Variants in ADGRB3 observed in about 807,000 individuals in gnomAD.
ADGRB3 encodes brain-specific angiogenesis inhibitor 3.
In ADGRB3, 37 loss-of-function variants were observed where a neutral mutation model predicts 193.4. The observed-to-expected ratio is 0.19, with a 90% CI of 0.15 to 0.25. The LOEUF is 0.25. Ranked by LOEUF, ADGRB3 falls within the 10% of genes least tolerant of loss-of-function variation. ADGRB3 has a pLI of 1.00. For missense variants in ADGRB3, 1,637 were observed against 1,852.9 expected (o/e 0.88, Z 2.14); for synonymous variants, 690 against 644.2 (o/e 1.07, Z -1.08).
At chr6:68,788,011 C>A (rs1254498100) in intron 3 of ADGRB3, among the ~76,000 whole-genome samples, 1 of 152,112 alleles carries the variant, frequency 6.6e-6, no homozygotes, top group Non-Finnish European at 1.5e-5. Context: ...TCCCCTTTAT[C>A]ATTTTTTATT....
chr6:69,316,807 T>C (rs1380328414), intron 20 of ADGRB3, among the ~76,000 whole-genome samples: 1 of 151,370 alleles, frequency 6.6e-6, no homozygotes, highest in Non-Finnish European at 1.5e-5. Context: ...TTGACCACAA[T>C]TGGAGAAAAG....
At chr6:68,960,728 T>C (rs1243133200) in intron 8 of ADGRB3, among the ~76,000 whole-genome samples, 2 of 152,176 alleles carry the variant, frequency 1.3e-5, no homozygotes, top group Non-Finnish European at 2.9e-5. Flanking sequence ...AAAGCAGTGC[T>C]TCCCAAACTT....
At chr6:69,181,856 A>G (rs768400771) in intron 17 of ADGRB3, among the ~76,000 whole-genome samples, 4 of 152,064 alleles carry the variant, frequency 2.6e-5, no homozygotes, top group Non-Finnish European at 5.9e-5. Context: ...AGTCAACTAG[A>G]TTTTTTATAA....
chr6:69,019,778 C>G (rs1443432703), intron 13 of ADGRB3, among the ~76,000 whole-genome samples: 2 of 151,822 alleles, frequency 1.3e-5, no homozygotes, highest in African/African-American at 4.8e-5. Flanking sequence ...TGTGCCAGTT[C>G]AGTAATGGAG....
chr6:68,775,744 C>T (rs1299888667), intron 3 of ADGRB3, among the ~76,000 whole-genome samples: 1 of 152,224 alleles, frequency 6.6e-6, no homozygotes, highest in East Asian at 1.9e-4. Flanking sequence ...CTTCAGTCAA[C>T]ACAAATTATG....
chr6:68,762,583 T>G (rs1253636942), intron 3 of ADGRB3, among the ~76,000 whole-genome samples: 1 of 151,258 alleles, frequency 6.6e-6, no homozygotes, highest in Non-Finnish European at 1.5e-5. Flanking sequence ...ATTAATTATT[T>G]GAAAAGGTAA....
chr6:68,982,249 T>C (rs777826117), intron 10 of ADGRB3, among the ~76,000 whole-genome samples: 1 of 152,172 alleles, frequency 6.6e-6, no homozygotes, highest in Non-Finnish European at 1.5e-5. Flanking sequence ...TAATATTTTA[T>C]TGAATGTCAG....
At chr6:68,870,702 G>A (rs538909937) in intron 3 of ADGRB3, among the ~76,000 whole-genome samples, 1 of 152,312 alleles carries the variant, frequency 6.6e-6, no homozygotes, top group Non-Finnish European at 1.5e-5. Context: ...TGCCCACTCT[G>A]TGATTCAGAG....
chr6:68,751,059 C>A (rs1386892508), intron 3 of ADGRB3, among the ~76,000 whole-genome samples: 7 of 152,188 alleles, frequency 4.6e-5, no homozygotes, highest in African/African-American at 1.7e-4. Context: ...TCCACTTGTA[C>A]TGCTGCTTCT....
intron 4 of ADGRB3, among the ~76,000 whole-genome samples, chr6:68,933,574 T>C (rs1442328422): frequency 2.0e-5 from 3 of 152,302 alleles, no homozygotes; most frequent in Non-Finnish European, 2.9e-5. Context: ...GCCTGGACTA[T>C]AGAGTGAGAC....
chr6:69,059,079 T>C (rs949464823), intron 15 of ADGRB3, among the ~76,000 whole-genome samples: 1 of 152,136 alleles, frequency 6.6e-6, no homozygotes, highest in Non-Finnish European at 1.5e-5. Context: ...CATTATATTG[T>C]TACTATTTAT....
chr6:69,293,173 T>C lies in ADGRB3; in HGVS notation c.2815-31699T>C, dbSNP rs540091507. On this transcript the variant is annotated intron_variant, in intron 20 of 31. Transcript: ENST00000370598. The stretch of plus-strand genomic sequence containing the variant: ...TCATGTTTAAAAGTTATAAATCAAA[T>C]ACAAATTGTTAAAAGTATTTTCGAT... 1.1e-3 allele frequency among the ~76,000 whole-genome samples: 175 copies of C among 152,292 alleles called. 1 individual carries two copies. Among genetic ancestry groups the C allele is most frequent in the African/African-American group, 4.0e-3 (167 of 41,568 alleles).
At chr6:69,016,084 A>G (rs978280344) in intron 12 of ADGRB3, among the ~76,000 whole-genome samples, 1 of 151,922 alleles carries the variant, frequency 6.6e-6, no homozygotes, top group Admixed American at 6.6e-5. Flanking sequence ...ACACCCATTC[A>G]TTTACCTATA....
chr6:68,716,474 C>T (rs1765491669), intron 3 of ADGRB3, among the ~76,000 whole-genome samples: 1 of 150,436 alleles, frequency 6.6e-6, no homozygotes, highest in Non-Finnish European at 1.5e-5. Flanking sequence ...ACTGTATTTT[C>T]CATATTTATT....
chr6:68,832,435 G>A (rs1224672724), intron 3 of ADGRB3, among the ~76,000 whole-genome samples: 1 of 152,014 alleles, frequency 6.6e-6, no homozygotes, highest in African/African-American at 2.4e-5. Context: ...TAGTAAGAGG[G>A]TTCATGCTCA....
intron 3 of ADGRB3, among the ~76,000 whole-genome samples, chr6:68,686,218 G>A (rs1254902800): frequency 6.5e-5 from 9 of 138,914 alleles, no homozygotes. Context: ...AGTCTCTGGT[G>A]AAGCTTTCCT....
intron 17 of ADGRB3, among the ~76,000 whole-genome samples, chr6:69,126,040 G>A (rs566367348): frequency 2.0e-5 from 3 of 152,014 alleles, no homozygotes; most frequent in Admixed American, 6.6e-5. Context: ...TGTGCTTTTC[G>A]CCCTAGATAC....
intron 10 of ADGRB3, among the ~76,000 whole-genome samples, chr6:68,985,785 G>T (rs1769053213): frequency 6.6e-6 from 1 of 152,078 alleles, no homozygotes; most frequent in Non-Finnish European, 1.5e-5. Context: ...ATTCTGACTG[G>T]TGTACAATCC....
intron 3 of ADGRB3, among the ~76,000 whole-genome samples, chr6:68,783,156 T>A (rs1159822186): frequency 6.6e-6 from 1 of 151,490 alleles, no homozygotes; most frequent in East Asian, 1.9e-4. Context: ...TACTCCTATT[T>A]TACAGATGAT....
Sources: allele counts gnomAD v4.1 joint callset (sites outside exome capture counted in the v4.1 genomes callset), GRCh38; gene constraint gnomAD v4.1.1; transcripts MANE v1.5; gene names NCBI Gene and HGNC (gene_info 2026-07-23, HGNC 2026-07-21).